The following ASGR1 variants were observed in gnomAD, a reference collection of about 807,000 sequenced individuals.
ASGR1 encodes C-type lectin domain family 4 member H1.
A neutral mutation model predicts 33.1 loss-of-function variants in ASGR1; 35 were observed. The observed-to-expected ratio is 1.06, with a 90% confidence interval of 0.81 to 1.40. ASGR1 has a LOEUF of 1.40. ASGR1 is among the 40% of genes most tolerant of loss of function. ASGR1 has a pLI of 0.00. For synonymous variants in ASGR1, 142 were observed against 152.5 expected (o/e 0.93, Z 0.51); for missense variants, 396 against 373.7 (o/e 1.06, Z -0.49).
At chr17:7,176,296 C>A (rs190150533) in intron 5 of ASGR1, among the ~76,000 whole-genome samples, 169 of 146,340 alleles carry the variant, frequency 1.2e-3, no homozygotes, top group African/African-American at 4.3e-3. Flanking sequence ...CATTCTCACA[C>A]TCACAGACTC....
chr17:7,176,803 C>G, intron 5 of ASGR1, 27 bp downstream of exon 5: 1 of 1,608,698 alleles, frequency 6.2e-7, no homozygotes, highest in Non-Finnish European at 8.5e-7. Context: ...CACACACACA[C>G]ACACACACAC....
intron 5 of ASGR1, among the ~76,000 whole-genome samples, chr17:7,174,870 C>CG (rs1567792448): frequency 6.6e-6 from 1 of 150,478 alleles, no homozygotes; most frequent in Non-Finnish European, 1.5e-5. Context: ...ACACAACACA[C>CG]ATAACCCACA....
In ASGR1 at chr17:7,173,457, A is replaced by T. The variant is rs2069157836; in HGVS notation, c.*202T>A. 1.4e-6 allele frequency: 1 copy of T among 697,448 alleles called. No homozygotes were observed. Among genetic ancestry groups the T allele is most frequent in the Non-Finnish European group, 2.3e-6 (1 of 431,918 alleles). 43.2% of individuals were successfully genotyped at this position (697,448 alleles called of 1,614,324 possible). On this transcript the variant is annotated 3_prime_UTR_variant, in exon 9 of 9. Transcript: ENST00000269299. This position sits in a 1 kb window ranked among gnomAD's most constrained non-coding sequence, Gnocchi z 4.7. ...TTAGGTATATTTCTTTTTACTCTTA[A>T]AAAAAAAAAGTTCACAATGATAACC...
At chr17:7,175,981 CAT>C (rs1206915279) in intron 5 of ASGR1, among the ~76,000 whole-genome samples, 1 of 150,134 alleles carries the variant, frequency 6.7e-6, no homozygotes, top group African/African-American at 2.5e-5. Flanking sequence ...TTCTCACACA[CAT>C]ACACTGACAC....
chr17:7,176,920 C>T lies in ASGR1; in HGVS notation c.284-19G>A, dbSNP rs772048922. 2 of 1,611,420 alleles carry T rather than the reference C, an allele frequency of 1.2e-6. No homozygotes were observed. The highest frequency in any genetic ancestry group is 2.2e-5 in the South Asian group (2 of 91,040). ...TTGCCTCCTGCGGGAGAGGCTCGCT[C>T]AGCGTTCCCGACAGCCCCCCAGCCC... On this transcript the variant is annotated intron_variant, in intron 4 of 8. Transcript: ENST00000269299.
At chr17:7,174,101 G>A in intron 7 of ASGR1, 34 bp from the exon 8 acceptor site, 2 of 1,614,108 alleles carry the variant, frequency 1.2e-6, no homozygotes, top group Non-Finnish European at 8.5e-7. Context: ...TGATCTCTCC[G>A]AGGCCAGCCA....
In ASGR1 at chr17:7,175,757, ACTCCTT is replaced by A. The variant is rs563566220; in HGVS notation, c.355+1067_355+1072del. On this transcript the variant is annotated intron_variant, in intron 5 of 8. Transcript: ENST00000269299. ...CTCCCACTCACAAACACCCATCCACACTCCTTCTCATTTTCACACAGGCTCTCACAC... is the reference window on the plus strand; with the variant it reads ...CTCCCACTCACAAACACCCATCCACACTCATTTTCACACAGGCTCTCACAC... Among the ~76,000 whole-genome samples the A allele has an allele frequency of 1.8e-3, 263 of 144,178 alleles. 2 individuals are homozygous for A. The highest frequency in any genetic ancestry group is 6.7e-3 in the African/African-American group (247 of 37,108). 94.6% of individuals were successfully genotyped at this position (144,178 alleles called of 152,430 possible).
intron 5 of ASGR1, among the ~76,000 whole-genome samples, chr17:7,176,028 A>G (rs2142764519): frequency 8.8e-6 from 1 of 114,026 alleles, no homozygotes; most frequent in East Asian, 2.2e-4. Context: ...ACACTCGTAC[A>G]CACACCCACT....
intron 5 of ASGR1, 109 bp downstream of exon 5, chr17:7,176,721 C>T: frequency 6.7e-7 from 1 of 1,482,462 alleles, no homozygotes; most frequent in Non-Finnish European, 9.2e-7. Flanking sequence ...CACACACACT[C>T]CCTCTCATTC....
In ASGR1 at chr17:7,174,454, G is replaced by A. The variant is rs1380695822; in HGVS notation, c.362C>T (p.Ser121Phe). 1.2e-6 allele frequency: 2 copies of A among 1,612,948 alleles called. No individual in the cohort carries two copies. Among genetic ancestry groups the A allele is most frequent in the Admixed American group, 1.7e-5 (1 of 59,750 alleles). ...CTGCTTCACGTGGAGCAGCAGGCTG[G>A]AGTGATCTGGGGAGACCGGGCGGAG... is the stretch of plus-strand genomic sequence containing the variant. The part of the protein sequence containing the change: ...KQQKDLSEDH[S>F]SLLLHVKQFV... Residue 121 changes from serine to phenylalanine, a missense_variant, in exon 6 of 9, where the codon TCC becomes TTC. Physicochemically the swap from Ser to Phe is radical, Grantham distance 155. Coordinates refer to ENST00000269299, the MANE Select transcript of ASGR1 (RefSeq NM_001671.5).
intron 5 of ASGR1, among the ~76,000 whole-genome samples, chr17:7,174,827 C>A (rs1251643855): frequency 6.6e-6 from 1 of 150,724 alleles, no homozygotes; most frequent in Admixed American, 6.6e-5. Flanking sequence ...CAGAGACACA[C>A]AACACACCCT....
intron 2 of ASGR1, 117 bp from the exon 3 acceptor site, chr17:7,177,443 A>G (rs939743063): frequency 9.2e-6 from 7 of 760,462 alleles, no homozygotes; most frequent in Middle Eastern, 3.8e-4. Context: ...AACCATGTAC[A>G]TGAAGAAATG....
At position 7,177,357 on chromosome 17, in the gene ASGR1, G is replaced by A. The variant is rs771064792; in HGVS notation, c.71-31C>T. The A allele has an allele frequency of 1.0e-5, 16 of 1,576,700 alleles. No individual in the cohort carries two copies. In the African/African-American group the frequency reaches 1.4e-4, roughly 13 times the overall value. On this transcript the variant is annotated intron_variant, in intron 2 of 8. Coordinates refer to ENST00000269299, the MANE Select transcript of ASGR1 (RefSeq NM_001671.5). ...AGAGGAGGGGGTGTCAGGAGCGCGG[G>A]GACAGAGGGGACCCTGGCACAGCTC... is the stretch of plus-strand genomic sequence containing the variant.
chr17:7,177,693 T>G (rs530768625), intron 2 of ASGR1: 95 of 227,230 alleles, frequency 4.2e-4, no homozygotes, highest in Non-Finnish European at 7.0e-4. Context: ...CCCCTGAAAG[T>G]GGGGAAAGAA....
intron 5 of ASGR1, among the ~76,000 whole-genome samples, chr17:7,175,744 A>G (rs1242532536): frequency 7.1e-6 from 1 of 140,110 alleles, no homozygotes; most frequent in Non-Finnish European, 1.5e-5. Context: ...CCCACTCACA[A>G]ACACCCATCC....
intron 2 of ASGR1, 82 bp downstream of exon 2, chr17:7,178,412 C>A: frequency 2.8e-6 from 4 of 1,410,150 alleles, no homozygotes; most frequent in Admixed American, 3.4e-5. Flanking sequence ...GCCAGGCTCA[C>A]GGGCAAGAGT....
chr17:7,176,963 C>G lies in ASGR1; in HGVS notation c.283+18G>C. 1 of 1,602,272 alleles carries G rather than the reference C, an allele frequency of 6.2e-7. No homozygotes were observed. The highest frequency in any genetic ancestry group is 8.5e-7 in the Non-Finnish European group (1 of 1,176,740). On this transcript the variant is annotated intron_variant, in intron 4 of 8. Coordinates refer to ENST00000269299, the MANE Select transcript of ASGR1 (RefSeq NM_001671.5). ...CCCAGCCCCAGCCCCAGCCCCAGCC[C>G]CGCCCCAGCGCCCTCACCCTGGGTG...
chr17:7,177,382 C>G (rs1597424679), intron 2 of ASGR1, 56 bp from the exon 3 acceptor site: 2 of 1,447,132 alleles, frequency 1.4e-6, no homozygotes, highest in Non-Finnish European at 1.9e-6. Flanking sequence ...TGGCACAGCT[C>G]CAGGGTCCTA....
intron 5 of ASGR1, 34 bp downstream of exon 5, chr17:7,176,796 A>G (rs34749041): frequency 7.3e-7 from 1 of 1,371,352 alleles, no homozygotes; most frequent in East Asian, 2.5e-5. Flanking sequence ...TCTCTTTCAC[A>G]CACACACACA....
Sources: gnomAD v4.1 joint callset for allele counts (sites outside exome capture counted in the v4.1 genomes callset) on GRCh38, gnomAD v4.1.1 for gene constraint, Gnocchi (gnomAD v3.1) non-coding constraint, MANE v1.5 for transcripts, NCBI Gene and HGNC (gene_info 2026-07-23, HGNC 2026-07-21) for gene names.